The following CACNA1D variants were observed in gnomAD, a reference collection of about 807,000 sequenced individuals.
CACNA1D encodes voltage-dependent L-type calcium channel subunit alpha-1D.
Under a neutral mutation model 257.1 loss-of-function variants are expected in CACNA1D, and 55 were observed. That is an observed-to-expected ratio of 0.21 (90% confidence interval 0.17 to 0.27). The LOEUF (loss-of-function observed/expected upper bound fraction) is 0.27. Among genes scored for constraint, CACNA1D ranks in the 10% least tolerant of loss-of-function variants. CACNA1D has a pLI of 1.00. For missense variants in CACNA1D, 1,876 were observed against 2,784.0 expected, an observed-to-expected ratio of 0.67 and a Z score of 7.34; for synonymous variants, 980 against 1,014.9, an observed-to-expected ratio of 0.97 and a Z score of 0.65.
chr3:53,702,697 G>A lies in CACNA1D; in HGVS notation c.1277G>A (p.Arg426Gln), dbSNP rs2094639103. The part of the protein sequence containing the change: ...AKARGDFQKL[R>Q]EKQQLEEDLK... ...GCACGGGGAGATTTCCAGAAGCTCC[G>A]GGAGAAGCAGCAGCTGGAGGAGGAT... Residue 426 changes from arginine (R) to glutamine (Q), a missense_variant, in exon 9 of 48, where the codon CGG (arginine) becomes CAG (glutamine). This residue lies in a region of CACNA1D where 188 missense variants were observed against 390.4 expected (regional missense o/e 0.48). Transcript: ENST00000350061. The A allele has an allele frequency of 1.9e-6, 3 of 1,614,066 alleles. No homozygotes were observed. The highest frequency in any genetic ancestry group is 1.7e-5 in the Admixed American group (1 of 60,002).
At chr3:53,787,135 C>T (rs1327643232) in intron 40 of CACNA1D, among the ~76,000 whole-genome samples, 183 bp downstream of exon 40, 1 of 152,146 alleles carries the variant, frequency 6.6e-6, no homozygotes, top group Non-Finnish European at 1.5e-5. Context: ...GTGCTTCCCT[C>T]CCCGATGCCT....
rs1358275166 is a variant in CACNA1D at position 53,660,229 on chromosome 3, T to A, written c.720T>A (p.Arg240=). The A allele has an allele frequency of 6.2e-6, 10 of 1,613,984 alleles. No individual in the cohort carries two copies. The highest frequency in any genetic ancestry group is 8.5e-6 in the Non-Finnish European group (10 of 1,179,964). The change falls in exon 5 of 48, where the codon CGT becomes CGA. Residue 240 remains arginine (R), a synonymous_variant. Transcript: ENST00000350061. ...KSGGFDVKAL[R]AFRVLRPLRL... ...GAGGCTTTGATGTCAAAGCCCTCCG[T>A]GCCTTTCGAGTGTTGCGACCACTTC...
intron 45 of CACNA1D, among the ~76,000 whole-genome samples, chr3:53,805,804 CTA>C (rs1439627901): frequency 7.4e-6 from 1 of 135,470 alleles, no homozygotes; most frequent in African/African-American, 2.9e-5. Flanking sequence ...TCCTCCTCCT[CTA>C]TCTTCCCTCC....
intron 3 of CACNA1D, among the ~76,000 whole-genome samples, chr3:53,557,406 A>G (rs1356150013): frequency 6.6e-6 from 1 of 151,904 alleles, no homozygotes; most frequent in African/African-American, 2.4e-5. Flanking sequence ...GGGCAGGAGA[A>G]TTGCTTGAAC....
intron 40 of CACNA1D, chr3:53,790,870 A>T: frequency 1.5e-6 from 1 of 665,212 alleles, no homozygotes; most frequent in Non-Finnish European, 2.7e-6. Flanking sequence ...TTAAAGCATG[A>T]TTCTACCTGA....
At chr3:53,643,632 C>A (rs908186377) in intron 3 of CACNA1D, among the ~76,000 whole-genome samples, 2 of 152,166 alleles carry the variant, frequency 1.3e-5, no homozygotes, top group Non-Finnish European at 1.5e-5. Flanking sequence ...AGGTCATAGA[C>A]AATTGTTGTT....
chr3:53,702,680 A>G lies in CACNA1D; in HGVS notation c.1260A>G (p.Gly420=). The part of the protein sequence containing the change: ...SKEREKAKAR[G]DFQKLREKQQ... ...AAAGAGAGAAGGCAAAAGCACGGGG[A>G]GATTTCCAGAAGCTCCGGGAGAAGC... Residue 420 remains glycine (G), a synonymous_variant, in exon 9 of 48, where the codon GGA becomes GGG. Coordinates refer to ENST00000350061, the MANE Select transcript of CACNA1D (RefSeq NM_001128840.3). 1 of 1,614,160 alleles carries G rather than the reference A, an allele frequency of 6.2e-7. No homozygotes were observed. The highest frequency in any genetic ancestry group is 8.5e-7 in the Non-Finnish European group (1 of 1,180,040).
intron 18 of CACNA1D, 90 bp downstream of exon 18, chr3:53,732,172 C>T (rs2095000290): frequency 1.0e-6 from 1 of 1,004,654 alleles, no homozygotes; most frequent in Non-Finnish European, 1.6e-6. Flanking sequence ...CCAGCCAGCC[C>T]AGCAGCGTGC....
chr3:53,662,358 CCT>C lies in CACNA1D; in HGVS notation c.766+2084_766+2085del, dbSNP rs533025565. 2.9e-3 allele frequency among the ~76,000 whole-genome samples: 449 copies of C among 152,224 alleles called. 3 individuals are homozygous for C. Among genetic ancestry groups the C allele is most frequent in the Non-Finnish European group, 2.4e-3 (166 of 68,008 alleles). ...ACCCTGGAGACCAGGCCTTCTGACC[CCT>C]GTGTTGACGTCCCCCATTCTCTCCA... On this transcript the variant is annotated intron_variant, in intron 5 of 47. Coordinates refer to ENST00000350061, the MANE Select transcript of CACNA1D (RefSeq NM_001128840.3).
intron 3 of CACNA1D, among the ~76,000 whole-genome samples, chr3:53,541,037 CG>C (rs1317123984): frequency 1.5e-4 from 23 of 152,096 alleles, no homozygotes; most frequent in African/African-American, 5.6e-4. Context: ...CCACTGTGCG[CG>C]GCCGGCATGG....
chr3:53,803,497 C>G lies in CACNA1D; in HGVS notation c.5510C>G (p.Pro1837Arg). The G allele has an allele frequency of 6.2e-7, 1 of 1,614,092 alleles. No individual in the cohort carries two copies. The highest frequency in any genetic ancestry group is 1.3e-5 in the African/African-American group (1 of 75,052). The change falls in exon 44 of 48, where the codon CCC becomes CGC. Residue 1837 changes from proline (P) to arginine (R), a missense_variant. Physicochemically the swap from Pro to Arg is moderately radical, Grantham distance 103 (BLOSUM62 -2). Around this residue, in one of 10 missense-constraint regions of CACNA1D, gnomAD observed 491 missense variants for 554.3 expected, o/e 0.89. Coordinates refer to ENST00000350061, the MANE Select transcript of CACNA1D (RefSeq NM_001128840.3). ...DPEIHGYFRD[P>R]HCLGEQEYFS... ...GAGATACATGGCTATTTCAGGGACC[C>G]CCACTGCTTGGGGGAGCAGGAGTAT...
intron 3 of CACNA1D, among the ~76,000 whole-genome samples, chr3:53,545,184 A>G (rs1291752897): frequency 1.3e-5 from 2 of 151,988 alleles, no homozygotes; most frequent in Non-Finnish European, 2.9e-5. Context: ...AATTCTGCCC[A>G]TGACTATAAT....
At chr3:53,672,796 GT>G in intron 7 of CACNA1D, among the ~76,000 whole-genome samples, 1 of 149,260 alleles carries the variant, frequency 6.7e-6, no homozygotes, top group South Asian at 2.2e-4. Context: ...GTGTGTGTGT[GT>G]GTGTGTGTGT....
chr3:53,695,846 A>T, intron 8 of CACNA1D, among the ~76,000 whole-genome samples: 1 of 152,114 alleles, frequency 6.6e-6, no homozygotes, highest in Admixed American at 6.5e-5. Flanking sequence ...AGCTGATAGG[A>T]GTCCTATCAA....
At chr3:53,539,196 G>A (rs1422363736) in intron 3 of CACNA1D, among the ~76,000 whole-genome samples, 3 of 151,840 alleles carry the variant, frequency 2.0e-5, no homozygotes, top group South Asian at 2.1e-4. Context: ...TGCAACCTCC[G>A]CCTCCCGGGT....
At chr3:53,787,021 G>A (rs2095457409) in intron 40 of CACNA1D, 69 bp downstream of exon 40, 2 of 1,517,444 alleles carry the variant, frequency 1.3e-6, no homozygotes, top group African/African-American at 2.7e-5. Flanking sequence ...AAATACTAGA[G>A]AGCTGCCTAT....
chr3:53,570,516 C>T (rs763605669), intron 3 of CACNA1D, among the ~76,000 whole-genome samples: 9 of 152,210 alleles, frequency 5.9e-5, no homozygotes, highest in Admixed American at 1.3e-4. Flanking sequence ...CTTAGAGGAG[C>T]TTTTCTGGCT....
chr3:53,710,837 A>ATT (rs75701207), intron 9 of CACNA1D, among the ~76,000 whole-genome samples: 16 of 151,610 alleles, frequency 1.1e-4, no homozygotes, highest in Non-Finnish European at 2.4e-4. Flanking sequence ...TATTTGATTG[A>ATT]TTTTTTTTTC....
rs539335706 is a variant in CACNA1D, at chr3:53,497,217, A to G, written c.133A>G (p.Ser45Gly). Residue 45 changes from serine (S) to glycine (G), a missense_variant, in exon 2 of 48, where the codon AGC (serine) becomes GGC (glycine). By Grantham distance (56) the Ser-to-Gly change is moderately conservative. Coordinates refer to ENST00000350061, the MANE Select transcript of CACNA1D (RefSeq NM_001128840.3). ...SGEGPTSQPN[S>G]SKQTVLSWQA... ...TGAAGGACCAACTTCTCAGCCGAAT[A>G]GCTCCAAGCAAACTGTCCTGTCTTG... The G allele has an allele frequency of 6.2e-7, 1 of 1,614,150 alleles. No homozygotes were observed. The highest frequency in any genetic ancestry group is 8.5e-7 in the Non-Finnish European group (1 of 1,180,018).
Sources: allele counts gnomAD v4.1 joint callset (sites outside exome capture counted in the v4.1 genomes callset), GRCh38; gene constraint gnomAD v4.1.1; regional missense constraint gnomAD v4.1.1; transcripts MANE v1.5; gene names NCBI Gene and HGNC (gene_info 2026-07-23, HGNC 2026-07-21).